Variants in CDC42BPA observed in about 807,000 individuals in gnomAD.
CDC42BPA encodes the protein serine/threonine-protein kinase MRCK alpha.
Under a neutral mutation model 223.5 loss-of-function variants are expected in CDC42BPA, and 80 were observed. That is an observed-to-expected ratio of 0.36 (90% CI 0.30 to 0.43). CDC42BPA has a LOEUF of 0.43. CDC42BPA is among the 20% of genes least tolerant of loss of function. CDC42BPA has a pLI of 1.00. For synonymous variants in CDC42BPA, 694 were observed against 718.6 expected (o/e 0.97, Z 0.55); for missense variants, 1,743 against 2,099.9 (o/e 0.83, Z 3.32).
intron 1 of CDC42BPA, among the ~76,000 whole-genome samples, chr1:227,283,820 C>T (rs1231686997): frequency 6.6e-6 from 1 of 152,214 alleles, no homozygotes; most frequent in African/African-American, 2.4e-5. Flanking sequence ...CCTGTAATCT[C>T]AGCACTTTGG....
intron 2 of CDC42BPA, among the ~76,000 whole-genome samples, chr1:227,232,904 A>C (rs1572523892): frequency 3.3e-5 from 5 of 151,768 alleles, no homozygotes; most frequent in Admixed American, 3.3e-4. Flanking sequence ...CAGATCTCAA[A>C]CTCCTTGCTG....
intron 3 of CDC42BPA, among the ~76,000 whole-genome samples, chr1:227,203,206 C>G (rs190266469): frequency 3.9e-4 from 60 of 152,210 alleles, no homozygotes; most frequent in African/African-American, 1.4e-3. Flanking sequence ...TTAAATGATT[C>G]CTATCAATGC....
Position 226,990,817 on chromosome 1 carries a change from T to C in CDC42BPA, c.*3451A>G, listed in dbSNP as rs1281639851. The C allele has an allele frequency of 1.3e-5, 2 of 152,680 alleles. No homozygotes were observed. Among genetic ancestry groups the C allele is most frequent in the African/African-American group, 4.8e-5 (2 of 41,460 alleles). 9.5% of individuals were successfully genotyped at this position (152,680 alleles called of 1,614,324 possible). Reference sequence around the variant, plus strand: ...CTAACCTATGGAAGGAGAGAGAGGCTGAGAGCTAGCCAGGAATGATAGATT... The same window carrying C: ...CTAACCTATGGAAGGAGAGAGAGGCCGAGAGCTAGCCAGGAATGATAGATT... On this transcript the variant is annotated 3_prime_UTR_variant, in exon 37 of 37. Transcript: ENST00000366766.
intron 32 of CDC42BPA, among the ~76,000 whole-genome samples, chr1:227,022,384 G>A (rs140823373): frequency 6.6e-5 from 10 of 151,992 alleles, no homozygotes; most frequent in African/African-American, 2.4e-4. Flanking sequence ...AGTGAGCCAA[G>A]ATTGTGCCAC....
At chr1:227,102,299 T>C (rs1012532072) in intron 14 of CDC42BPA, among the ~76,000 whole-genome samples, 2 of 152,142 alleles carry the variant, frequency 1.3e-5, no homozygotes, top group East Asian at 3.8e-4. Context: ...ATTAACCATT[T>C]ATCGAAAAAA....
intron 1 of CDC42BPA, among the ~76,000 whole-genome samples, chr1:227,267,657 G>A (rs1685224113): frequency 6.6e-6 from 1 of 152,162 alleles, no homozygotes; most frequent in South Asian, 2.1e-4. Context: ...CATGGCTGGG[G>A]AGGCTTCAGA....
intron 21 of CDC42BPA, among the ~76,000 whole-genome samples, chr1:227,056,206 A>G: frequency 6.6e-6 from 1 of 152,146 alleles, no homozygotes; most frequent in East Asian, 1.9e-4. Flanking sequence ...TGCCTAAATA[A>G]TTACAGATTT....
chr1:227,301,674 A>C (rs1691657964), intron 1 of CDC42BPA, among the ~76,000 whole-genome samples: 1 of 152,146 alleles, frequency 6.6e-6, no homozygotes, highest in Non-Finnish European at 1.5e-5. Flanking sequence ...AGACTTTTTA[A>C]TTCTGTAAAA....
At chr1:227,191,299 C>T (rs959046689) in intron 5 of CDC42BPA, among the ~76,000 whole-genome samples, 22 of 144,788 alleles carry the variant, frequency 1.5e-4, no homozygotes, top group African/African-American at 5.7e-4. Context: ...GAGCCAAGAT[C>T]GCACCACGGC....
At chr1:227,052,400 T>C (rs1017600754) in intron 21 of CDC42BPA, among the ~76,000 whole-genome samples, 2 of 152,208 alleles carry the variant, frequency 1.3e-5, no homozygotes, top group African/African-American at 4.8e-5. Flanking sequence ...GTTTGGTCTT[T>C]TACTACTCAT....
intron 2 of CDC42BPA, among the ~76,000 whole-genome samples, chr1:227,224,175 T>G (rs902080736): frequency 1.3e-5 from 2 of 152,136 alleles, no homozygotes; most frequent in African/African-American, 4.8e-5. Flanking sequence ...TCCTGCAGAA[T>G]AAAGGTCCTT....
At chr1:227,009,183 G>T (rs796910440) in intron 34 of CDC42BPA, among the ~76,000 whole-genome samples, 3 of 152,220 alleles carry the variant, frequency 2.0e-5, no homozygotes, top group African/African-American at 7.2e-5. Context: ...TTAGGCTGAA[G>T]TAATAAAGGA....
intron 6 of CDC42BPA, 67 bp downstream of exon 6, chr1:227,160,476 G>T: frequency 1.0e-6 from 1 of 1,001,766 alleles, no homozygotes; most frequent in Non-Finnish European, 1.6e-6. Context: ...TTCTAAAACA[G>T]ATATATCAGA....
intron 23 of CDC42BPA, among the ~76,000 whole-genome samples, chr1:227,041,216 ATGC>A (rs1036698525): frequency 1.1e-4 from 17 of 152,168 alleles, no homozygotes; most frequent in African/African-American, 4.1e-4. Flanking sequence ...ATATTATATG[ATGC>A]TGAAGTTTAG....
chr1:227,181,498 CT>C (rs1223571899), intron 5 of CDC42BPA, among the ~76,000 whole-genome samples: 2 of 152,214 alleles, frequency 1.3e-5, no homozygotes, highest in East Asian at 3.9e-4. Context: ...ATAAACATGG[CT>C]TTTTCCAAGA....
chr1:227,021,861 T>C (rs1481584217), intron 32 of CDC42BPA, among the ~76,000 whole-genome samples: 1 of 151,288 alleles, frequency 6.6e-6, no homozygotes, highest in Non-Finnish European at 1.5e-5. Context: ...CTACTAAAAA[T>C]ACAAAAAAAT....
chr1:227,050,117 A>T (rs1049487557), intron 22 of CDC42BPA, among the ~76,000 whole-genome samples: 2 of 152,212 alleles, frequency 1.3e-5, no homozygotes, highest in Admixed American at 1.3e-4. Context: ...ATAGCTAGCA[A>T]AGAATTAGTA....
intron 15 of CDC42BPA, among the ~76,000 whole-genome samples, chr1:227,099,023 C>G (rs1441029217): frequency 6.6e-6 from 1 of 151,892 alleles, no homozygotes; most frequent in Non-Finnish European, 1.5e-5. Context: ...ATTCCTATTA[C>G]CTGTGATATT....
chr1:227,173,591 T>A (rs565303700), intron 5 of CDC42BPA, among the ~76,000 whole-genome samples: 3 of 152,134 alleles, frequency 2.0e-5, no homozygotes, highest in African/African-American at 7.2e-5. Flanking sequence ...AAAAAAACTA[T>A]AAAAACTAAA....
Sources: allele counts gnomAD v4.1 joint callset (sites outside exome capture counted in the v4.1 genomes callset), GRCh38; gene constraint gnomAD v4.1.1; transcripts MANE v1.5; gene names NCBI Gene and HGNC (gene_info 2026-07-23, HGNC 2026-07-21).